CYP2A13: variants seen among roughly 807,000 people sequenced by gnomAD.
The protein encoded by CYP2A13 is cytochrome P450 family 2 subfamily A member 13.
Under a neutral mutation model 39.4 loss-of-function variants are expected in CYP2A13, and 30 were observed. The observed-to-expected ratio is 0.76, with a 90% CI of 0.57 to 1.03. The LOEUF is 1.03. CYP2A13 is among the 50% of genes least tolerant of loss of function. The probability of loss-of-function intolerance (pLI) is 0.00; values close to 1 mark genes in which losing one functional copy is unlikely to be tolerated. For missense variants in CYP2A13, 731 were observed against 648.4 expected, an observed-to-expected ratio of 1.13 and a Z score of -1.38; for synonymous variants, 269 against 254.7, an observed-to-expected ratio of 1.06 and a Z score of -0.54.
In CYP2A13 at chr19:41,094,364, A is replaced by G. The variant is rs759624158; in HGVS notation, c.1093A>G (p.Met365Val). Residue 365 changes from methionine (M) to valine (V), a missense_variant, in exon 7 of 9, where the codon ATG becomes GTG. By Grantham distance (21) the Met-to-Val change is conservative (BLOSUM62 1). Transcript: ENST00000330436. ...VIHEIQRFGD[M>V]LPMGLAHRVN... ...CCACGAGATCCAAAGATTTGGAGAC[A>G]TGCTCCCCATGGGTTTGGCCCACAG... is the stretch of plus-strand genomic sequence containing the variant. The G allele has an allele frequency of 2.0e-5, 33 of 1,613,962 alleles. No individual in the cohort carries two copies. The highest frequency in any genetic ancestry group is 6.7e-5 in the African/African-American group (5 of 74,870).
chr19:41,089,771 C>T (rs1257531084), intron 2 of CYP2A13, among the ~76,000 whole-genome samples: 2 of 144,660 alleles, frequency 1.4e-5, no homozygotes, highest in Non-Finnish European at 3.0e-5. Flanking sequence ...GGCCTTTCTG[C>T]TTCTCTTCTG....
At chr19:41,090,652 C>A in intron 4 of CYP2A13, 88 bp downstream of exon 4, 1 of 1,586,178 alleles carries the variant, frequency 6.3e-7, no homozygotes, top group Non-Finnish European at 8.6e-7. Context: ...AACTCCCACC[C>A]CCCTCCAGAC....
intron 7 of CYP2A13, 143 bp downstream of exon 7, chr19:41,094,575 A>G: frequency 1.1e-6 from 1 of 939,628 alleles, no homozygotes; most frequent in Non-Finnish European, 1.6e-6. Flanking sequence ...CAACCACCAC[A>G]TCTGTTCCAC....
intron 2 of CYP2A13, 55 bp from the exon 3 acceptor site, chr19:41,089,992 G>T (rs1372425905): frequency 4.6e-6 from 7 of 1,537,012 alleles, no homozygotes; most frequent in Non-Finnish European, 6.1e-6. Flanking sequence ...GAGCTGGTCC[G>T]CTCCTGCTCC....
At chr19:41,094,633 T>A (rs2031262388) in intron 7 of CYP2A13, among the ~76,000 whole-genome samples, 1 of 152,114 alleles carries the variant, frequency 6.6e-6, no homozygotes, top group African/African-American at 2.4e-5. Context: ...AGACTCTTTG[T>A]GTCAGGAGAA....
chr19:41,090,163 G>A lies in CYP2A13; in HGVS notation c.460G>A (p.Gly154Ser), dbSNP rs1405480439. Residue 154 changes from glycine to serine, a missense_variant, in exon 3 of 9, where the codon GGC (glycine) becomes AGC (serine). By Grantham distance (56) the Gly-to-Ser change is moderately conservative. Coordinates refer to ENST00000330436, the MANE Select transcript of CYP2A13 (RefSeq NM_000766.5). Reference sequence around the variant, plus strand: ...CGAGGAACGCATCCAGGAGGAGGCGGGCTTCCTCATCGACGCCCTCCGGGG... The same window carrying A: ...CGAGGAACGCATCCAGGAGGAGGCGAGCTTCCTCATCGACGCCCTCCGGGG... Reference protein sequence around the residue: ...GIEERIQEEAGFLIDALRGTH... With the variant: ...GIEERIQEEASFLIDALRGTH... The A allele has an allele frequency of 6.3e-7, 1 of 1,591,664 alleles. No individual in the cohort carries two copies. Among genetic ancestry groups the A allele is most frequent in the Non-Finnish European group, 8.6e-7 (1 of 1,168,130 alleles).
In CYP2A13 at chr19:41,088,452, T is replaced by C. The variant is rs371069229; in HGVS notation, c.-20T>C. On this transcript the variant is annotated 5_prime_UTR_variant, in exon 1 of 9. Transcript: ENST00000330436. ...AGGCAAACCACCCCAGCCATCACCA[T>C]CTATCATCCCACTGCCACCATGCTG... The C allele has an allele frequency of 5.0e-6, 8 of 1,608,938 alleles. No homozygotes were observed. Among genetic ancestry groups the C allele is most frequent in the Non-Finnish European group, 6.8e-6 (8 of 1,176,928 alleles).
intron 8 of CYP2A13, 151 bp downstream of exon 8, chr19:41,095,251 C>A (rs555818086): frequency 1.4e-6 from 2 of 1,458,222 alleles, no homozygotes; most frequent in African/African-American, 1.4e-5. Context: ...CTGATACTCC[C>A]TTAACTGCCA....
At chr19:41,089,816 CTCTCTCTCTCT>C (rs2031132001) in intron 2 of CYP2A13, among the ~76,000 whole-genome samples, 1 of 24,200 alleles carries the variant, frequency 4.1e-5, no homozygotes, top group Non-Finnish European at 7.8e-5. Flanking sequence ...CTCTCTCTCT[CTCTCTCTCTCT>C]CTCTCTCTCT....
At chr19:41,092,407 C>T (rs1355499555) in intron 5 of CYP2A13, among the ~76,000 whole-genome samples, 1 of 151,146 alleles carries the variant, frequency 6.6e-6, no homozygotes, top group Non-Finnish European at 1.5e-5. Flanking sequence ...CCCACAAGCA[C>T]GACTTATGCA....
At chr19:41,090,261 G>T in intron 3 of CYP2A13, 65 bp downstream of exon 3, 2 of 1,557,992 alleles carry the variant, frequency 1.3e-6, no homozygotes, top group South Asian at 2.5e-5. Flanking sequence ...TGGGGACTAG[G>T]TGGGGAAAGG....
In CYP2A13 at chr19:41,089,210, T is replaced by G; in HGVS notation, c.343+119T>G. On this transcript the variant is annotated intron_variant, in intron 2 of 8. Coordinates refer to ENST00000330436, the MANE Select transcript of CYP2A13 (RefSeq NM_000766.5). ...CTATGGCAGAGCCCCCTGTCTGGTC[T>G]TCTCTCCCCATCTCCCTTCATCGTG... 2.0e-6 allele frequency: 3 copies of G among 1,518,432 alleles called. No individual in the cohort carries two copies. In the South Asian group the frequency reaches 3.9e-5, roughly 20 times the overall value. 94.1% of individuals were successfully genotyped at this position (1,518,432 alleles called of 1,614,324 possible). A position where few individuals can be genotyped will look rare whatever the true frequency, so the allele number is the denominator to read the frequency against.
rs2031301638 is a variant in CYP2A13, at chr19:41,096,019, G to A, written c.*78G>A. ...GGCAGGGGCGGGGCTTGTGGGAGGG[G>A]CGGGGCTAAGAATGGGGGCAGTGGG... On this transcript the variant is annotated 3_prime_UTR_variant, in exon 9 of 9. Transcript: ENST00000330436. 5.3e-6 allele frequency: 7 copies of A among 1,327,028 alleles called. No homozygotes were observed. The South Asian group carries it at 8.9e-5, about 17-fold the overall frequency. The allele number at this position is 1,327,028 out of a possible 1,614,324, so 82.2% of individuals were successfully genotyped here. A position where few individuals can be genotyped will look rare whatever the true frequency, so the allele number is the denominator to read the frequency against.
In CYP2A13 at chr19:41,088,563, G is replaced by C; in HGVS notation, c.92G>C (p.Gly31Ala). Residue 31 changes from glycine (G) to alanine (A), a missense_variant, in exon 1 of 9, where the codon GGG becomes GCG. Coordinates refer to ENST00000330436, the MANE Select transcript of CYP2A13 (RefSeq NM_000766.5). ...GTCTGGCGGCAGAGGAAGAGCAGGG[G>C]GAAGCTGCCTCCGGGACCCACCCCA... The part of the protein sequence containing the change: ...MSVWRQRKSR[G>A]KLPPGPTPLP... 6.2e-7 allele frequency: 1 copy of C among 1,613,984 alleles called. No homozygotes were observed. Among genetic ancestry groups the C allele is most frequent in the Middle Eastern group, 1.7e-4 (1 of 6,058 alleles).
Position 41,095,809 on chromosome 19 carries a change from C to T in CYP2A13, c.1353C>T (p.Leu451=), listed in dbSNP as rs769483884. 9.3e-6 allele frequency: 15 copies of T among 1,614,022 alleles called. No individual in the cohort carries two copies. The Admixed American group carries it at 1.8e-4, about 20-fold the overall frequency. The change falls in exon 9 of 9, where the codon CTC becomes CTT. Residue 451 remains leucine (L), a synonymous_variant. Transcript: ENST00000330436. ...GEGLARMELF[L]FFTTIMQNFR... The stretch of plus-strand genomic sequence containing the variant: ...GCCTGGCCAGAATGGAGCTCTTTCT[C>T]TTCTTCACCACCATCATGCAGAACT...
At position 41,091,822 on chromosome 19, in the gene CYP2A13, G is replaced by C; in HGVS notation, c.745G>C (p.Ala249Pro). ...KELQGLEDFI[A>P]KKVEHNQRTL... ...GCTGCAAGGGCTGGAGGACTTCATCGCCAAGAAGGTGGAGCACAACCAGCG... is the reference window on the plus strand; with the variant it reads ...GCTGCAAGGGCTGGAGGACTTCATCCCCAAGAAGGTGGAGCACAACCAGCG... Residue 249 changes from alanine (A) to proline (P), a missense_variant, in exon 5 of 9, where the codon GCC becomes CCC. Physicochemically the swap from Ala to Pro is conservative, Grantham distance 27. Transcript: ENST00000330436. 6.2e-7 allele frequency: 1 copy of C among 1,614,176 alleles called. No individual in the cohort carries two copies. Among genetic ancestry groups the C allele is most frequent in the Non-Finnish European group, 8.5e-7 (1 of 1,180,032 alleles).
Position 41,088,460 on chromosome 19 carries a change from C to A in CYP2A13, c.-12C>A, listed in dbSNP as rs540125173. ...CACCCCAGCCATCACCATCTATCAT[C>A]CCACTGCCACCATGCTGGCCTCAGG... On this transcript the variant is annotated 5_prime_UTR_variant, in exon 1 of 9. Transcript: ENST00000330436. The A allele has an allele frequency of 6.0e-5, 96 of 1,610,734 alleles. No individual in the cohort carries two copies. In the East Asian group the frequency reaches 2.0e-3, roughly 33 times the overall value.
rs143140637 is a variant in CYP2A13 at position 41,091,870 on chromosome 19, C to G, written c.793C>G (p.Arg265Gly). The G allele has an allele frequency of 5.0e-6, 8 of 1,614,120 alleles. No individual in the cohort carries two copies. The highest frequency in any genetic ancestry group is 1.1e-5 in the South Asian group (1 of 91,096). ...NQRTLDPNSPRDFIDSFLIRM... is the reference protein window; with the variant it reads ...NQRTLDPNSPGDFIDSFLIRM... ...GCGCACGCTGGATCCCAATTCCCCA[C>G]GGGACTTCATCGACTCCTTTCTCAT... The change falls in exon 5 of 9, where the codon CGG becomes GGG. Residue 265 changes from arginine to glycine, a missense_variant. Arg to Gly is a moderately radical substitution (Grantham distance 125). Coordinates refer to ENST00000330436, the MANE Select transcript of CYP2A13 (RefSeq NM_000766.5).
At chr19:41,089,373 G>A (rs1266951669) in intron 2 of CYP2A13, among the ~76,000 whole-genome samples, 1 of 151,742 alleles carries the variant, frequency 6.6e-6, no homozygotes, top group African/African-American at 2.4e-5. Flanking sequence ...GGACATCCTG[G>A]GTTTCTGTTT....
Sources: allele counts gnomAD v4.1 joint callset (sites outside exome capture counted in the v4.1 genomes callset), GRCh38; gene constraint gnomAD v4.1.1; transcripts MANE v1.5; gene names NCBI Gene and HGNC (gene_info 2026-07-23, HGNC 2026-07-21).